The following TMEM44 variants were observed in gnomAD, a reference collection of about 807,000 sequenced individuals.
The protein encoded by TMEM44 is transmembrane protein 44.
Under a neutral mutation model 47.8 loss-of-function variants are expected in TMEM44, and 43 were observed. The observed-to-expected ratio is 0.90, with a 90% CI of 0.70 to 1.16. The LOEUF (loss-of-function observed/expected upper bound fraction) is 1.16, where lower values mean the gene tolerates loss of function less well. TMEM44 is among the 50% of genes most tolerant of loss of function. TMEM44 has a pLI of 0.00. For synonymous variants in TMEM44, 277 were observed against 238.8 expected (o/e 1.16, Z -1.48); for missense variants, 568 against 555.2 (o/e 1.02, Z -0.23).
Position 194,588,651 on chromosome 3 carries a change from A to G in TMEM44, c.1177-12T>C. ...TCTTCAGGGTCCCACTATGGAGAAA[A>G]GATGCAAAGGGTAGCTGGGTGGAAC... On this transcript the variant is annotated splice_polypyrimidine_tract_variant and intron_variant, in intron 9 of 9. Coordinates refer to ENST00000347147, the MANE Select transcript of TMEM44 (RefSeq NM_001011655.3). The G allele has an allele frequency of 6.2e-7, 1 of 1,612,840 alleles. No homozygotes were observed. The highest frequency in any genetic ancestry group is 8.5e-7 in the Non-Finnish European group (1 of 1,178,950).
At chr3:194,595,323 T>C (rs531993481) in intron 9 of TMEM44, among the ~76,000 whole-genome samples, 1 of 152,346 alleles carries the variant, frequency 6.6e-6, no homozygotes, top group Non-Finnish European at 1.5e-5. Flanking sequence ...TTTTCCTTGC[T>C]TCTGAAATCT....
intron 3 of TMEM44, among the ~76,000 whole-genome samples, chr3:194,623,973 G>A (rs1716869905): frequency 6.6e-6 from 1 of 152,118 alleles, no homozygotes; most frequent in Non-Finnish European, 1.5e-5. Flanking sequence ...CTATGCATCT[G>A]CGTGCAGACA....
At chr3:194,632,795 G>GGCGAAGGGCTGACAATAGC (rs376407438) in intron 1 of TMEM44, 21 of 420,866 alleles carry the variant, frequency 5.0e-5, no homozygotes, top group African/African-American at 3.8e-4. Flanking sequence ...GCGAGTCAAT[G>GGCGAAGGGCTGACAATAGC]GCGAAGGGCT....
At chr3:194,631,077 C>A (rs548258867) in intron 1 of TMEM44, among the ~76,000 whole-genome samples, 12 of 148,968 alleles carry the variant, frequency 8.1e-5, no homozygotes, top group African/African-American at 3.0e-4. Context: ...CGTTGTCGCA[C>A]GTGCCTCCCG....
At chr3:194,623,110 T>C in intron 5 of TMEM44, 114 bp downstream of exon 5, 2 of 992,460 alleles carry the variant, frequency 2.0e-6, no homozygotes, top group Non-Finnish European at 2.9e-6. Flanking sequence ...GCTGAGCCCA[T>C]GTCCATGCAC....
chr3:194,590,885 A>G (rs1213234366), intron 9 of TMEM44, among the ~76,000 whole-genome samples: 1 of 152,146 alleles, frequency 6.6e-6, no homozygotes, highest in Non-Finnish European at 1.5e-5. Flanking sequence ...TGTCACTTTG[A>G]TCAGGTGAGC....
At chr3:194,630,326 C>T (rs112827547) in intron 1 of TMEM44, among the ~76,000 whole-genome samples, 2 of 51,572 alleles carry the variant, frequency 3.9e-5, no homozygotes, top group Non-Finnish European at 7.2e-5. Flanking sequence ...TTTCCATCGG[C>T]GTCACTGATA....
intron 9 of TMEM44, among the ~76,000 whole-genome samples, chr3:194,595,514 G>A (rs1040757115): frequency 2.0e-5 from 3 of 152,150 alleles, no homozygotes; most frequent in Non-Finnish European, 4.4e-5. Flanking sequence ...CTTACCTTTG[G>A]GGAGAAGTGA....
At chr3:194,620,357 G>A (rs1716392888) in intron 5 of TMEM44, among the ~76,000 whole-genome samples, 1 of 149,440 alleles carries the variant, frequency 6.7e-6, no homozygotes, top group African/African-American at 2.5e-5. Flanking sequence ...TCTTGGTTCT[G>A]TTCTCTGAGA....
intron 6 of TMEM44, among the ~76,000 whole-genome samples, chr3:194,616,005 AG>A (rs1560183721): frequency 6.6e-6 from 1 of 152,038 alleles, no homozygotes; most frequent in Non-Finnish European, 1.5e-5. Flanking sequence ...CAATACATGC[AG>A]TGGGTTGAAT....
intron 5 of TMEM44, among the ~76,000 whole-genome samples, chr3:194,618,469 A>C (rs1020402963): frequency 6.7e-6 from 1 of 149,178 alleles, no homozygotes; most frequent in Non-Finnish European, 1.5e-5. Flanking sequence ...AGTTATATAT[A>C]AACTAAATTA....
chr3:194,599,896 A>G (rs368060068), intron 9 of TMEM44, among the ~76,000 whole-genome samples: 3 of 151,848 alleles, frequency 2.0e-5, no homozygotes, highest in East Asian at 3.9e-4. Context: ...AGTAGCTGGG[A>G]TTACAGGCAT....
chr3:194,622,497 A>C (rs911932979), intron 5 of TMEM44: 1 of 151,244 alleles, frequency 6.6e-6, no homozygotes, highest in Non-Finnish European at 1.5e-5. Context: ...TGGCCGACAC[A>C]GGGCCTCCCT....
At chr3:194,594,768 C>G (rs778089927) in intron 9 of TMEM44, among the ~76,000 whole-genome samples, 1 of 151,982 alleles carries the variant, frequency 6.6e-6, no homozygotes, top group Non-Finnish European at 1.5e-5. Context: ...GCCAAGCAAA[C>G]AAACAAGCAA....
At chr3:194,592,433 G>A (rs1406251666) in intron 9 of TMEM44, among the ~76,000 whole-genome samples, 1 of 152,150 alleles carries the variant, frequency 6.6e-6, no homozygotes, top group Non-Finnish European at 1.5e-5. Context: ...ACTGTTTATT[G>A]CAACAGCTAC....
At chr3:194,604,914 C>T (rs1714609199) in intron 8 of TMEM44, among the ~76,000 whole-genome samples, 1 of 152,190 alleles carries the variant, frequency 6.6e-6, no homozygotes, top group South Asian at 2.1e-4. Context: ...ACTGTACATC[C>T]AAGATTTCAG....
At chr3:194,615,867 T>C (rs1170572136) in intron 6 of TMEM44, among the ~76,000 whole-genome samples, 170 bp from the exon 7 acceptor site, 2 of 151,540 alleles carry the variant, frequency 1.3e-5, no homozygotes, top group Non-Finnish European at 2.9e-5. Context: ...AGGGCTAGGG[T>C]GGATGTTCCT....
chr3:194,625,828 G>A (rs1717105896), intron 3 of TMEM44, 69 bp downstream of exon 3: 3 of 1,371,836 alleles, frequency 2.2e-6, no homozygotes, highest in South Asian at 2.3e-5. Context: ...GAGTGATAAG[G>A]AGTAGGCATT....
In TMEM44 at chr3:194,621,557, G is replaced by A. The variant is rs139386486; in HGVS notation, c.612+1667C>T. On this transcript the variant is annotated intron_variant, in intron 5 of 9. Coordinates refer to ENST00000347147, the MANE Select transcript of TMEM44 (RefSeq NM_001011655.3). ...CCACTCTCCCCTCCATTAATCTAAA[G>A]ACAGGACACCTGCTGATGAGGCCCA... Among the ~76,000 whole-genome samples the A allele has an allele frequency of 7.5e-3, 1,148 of 152,230 alleles. 20 individuals are homozygous for A. The highest frequency in any genetic ancestry group is 0.026 in the African/African-American group (1,079 of 41,536).
Sources: allele counts gnomAD v4.1 joint callset (sites outside exome capture counted in the v4.1 genomes callset), GRCh38; gene constraint gnomAD v4.1.1; transcripts MANE v1.5; gene names NCBI Gene and HGNC (gene_info 2026-07-23, HGNC 2026-07-21).